MAD1L1: variants seen among roughly 807,000 people sequenced by gnomAD.
MAD1L1 encodes the protein mitotic arrest deficient 1 like 1, also known as mitotic spindle assembly checkpoint protein MAD1.
In MAD1L1, 95 loss-of-function variants were observed where a neutral mutation model predicts 96.9. The ratio of observed to expected loss-of-function variants is 0.98; its 90% CI spans 0.83 to 1.16. MAD1L1 has a LOEUF of 1.16. Among genes scored for constraint, MAD1L1 ranks in the 50% most tolerant of loss-of-function variants. The probability of loss-of-function intolerance (pLI) is 0.00; values close to 1 mark genes in which losing one functional copy is unlikely to be tolerated. For missense variants in MAD1L1, 1,007 were observed against 954.4 expected (o/e 1.06, Z -0.73); for synonymous variants, 473 against 396.6 (o/e 1.19, Z -2.29).
chr7:1,994,294 G>A (rs1396830256), intron 14 of MAD1L1, among the ~76,000 whole-genome samples: 1 of 152,246 alleles, frequency 6.6e-6, no homozygotes, highest in Non-Finnish European at 1.5e-5. Flanking sequence ...GGCAGGGAGG[G>A]AAGAGCGTGT....
At chr7:1,856,740 A>G (rs1784276462) in intron 18 of MAD1L1, among the ~76,000 whole-genome samples, 1 of 152,150 alleles carries the variant, frequency 6.6e-6, no homozygotes, top group Admixed American at 6.5e-5. Flanking sequence ...TGCCAGCGGC[A>G]GGGCCCACGC....
intron 11 of MAD1L1, among the ~76,000 whole-genome samples, chr7:2,135,738 T>A (rs1464315426): frequency 6.6e-6 from 1 of 152,184 alleles, no homozygotes; most frequent in Non-Finnish European, 1.5e-5. Context: ...GAGTCCTGCC[T>A]GCCACCTCTC....
chr7:1,898,087 C>T (rs1173048576), intron 18 of MAD1L1, 113 bp downstream of exon 18: 3 of 1,158,972 alleles, frequency 2.6e-6, no homozygotes, highest in Non-Finnish European at 3.7e-6. Flanking sequence ...CAGCCCTCCA[C>T]ACCATCCCCT....
intron 12 of MAD1L1, among the ~76,000 whole-genome samples, chr7:2,028,333 G>A (rs1401678023): frequency 6.7e-6 from 1 of 149,942 alleles, no homozygotes; most frequent in Non-Finnish European, 1.5e-5. Flanking sequence ...GCTGAGGCAA[G>A]AGAATGGCGC....
intron 18 of MAD1L1, among the ~76,000 whole-genome samples, chr7:1,832,824 G>T (rs199498375): frequency 2.8e-3 from 397 of 139,464 alleles, no homozygotes; most frequent in South Asian, 3.7e-3. Flanking sequence ...TAGAGACAGG[G>T]TTTCACCATG....
intron 11 of MAD1L1, among the ~76,000 whole-genome samples, chr7:2,072,252 C>T (rs1334616410): frequency 6.6e-6 from 1 of 152,186 alleles, no homozygotes; most frequent in African/African-American, 2.4e-5. Flanking sequence ...GAACCAACTG[C>T]TTGCTTGGTG....
chr7:2,114,365 G>A lies in MAD1L1; in HGVS notation c.1073+34787C>T, dbSNP rs953498650. Reference sequence around the variant, plus strand: ...GGGGGCCTTCCCTACACAGAGCACAGCTCCCACCCTGCAGCACCGCCCAGC... The same window carrying A: ...GGGGGCCTTCCCTACACAGAGCACAACTCCCACCCTGCAGCACCGCCCAGC... On this transcript the variant is annotated intron_variant, in intron 11 of 18. Coordinates refer to ENST00000265854, the MANE Select transcript of MAD1L1 (RefSeq NM_001013836.2). The surrounding 1 kb of genome is among the most constrained non-coding windows in gnomAD (Gnocchi z 4.2). Among the ~76,000 whole-genome samples the A allele has an allele frequency of 6.6e-6, 1 of 152,240 alleles. No individual in the cohort carries two copies. The highest frequency in any genetic ancestry group is 1.5e-5 in the Non-Finnish European group (1 of 68,046).
At chr7:2,205,091 T>C (rs903212143) in intron 10 of MAD1L1, among the ~76,000 whole-genome samples, 3 of 134,264 alleles carry the variant, frequency 2.2e-5, no homozygotes, top group Non-Finnish European at 4.5e-5. Flanking sequence ...TTTCTTTTTT[T>C]TTTTTTTTTT....
At chr7:1,851,969 C>G (rs913389658) in intron 18 of MAD1L1, among the ~76,000 whole-genome samples, 1 of 152,092 alleles carries the variant, frequency 6.6e-6, no homozygotes, top group Non-Finnish European at 1.5e-5. Flanking sequence ...GGGCCCGGCA[C>G]GGGTGGGCGG....
At chr7:2,097,792 G>T (rs1336819884) in intron 11 of MAD1L1, among the ~76,000 whole-genome samples, 1 of 152,230 alleles carries the variant, frequency 6.6e-6, no homozygotes, top group Non-Finnish European at 1.5e-5. Flanking sequence ...AGGCCTTGAG[G>T]CTGCAGAGGC....
At chr7:2,165,011 A>G (rs190190410) in intron 10 of MAD1L1, among the ~76,000 whole-genome samples, 5 of 152,264 alleles carry the variant, frequency 3.3e-5, no homozygotes, top group Admixed American at 1.3e-4. Context: ...GAAAGGTGAC[A>G]CCTGAGCACA....
At chr7:1,895,973 G>A (rs1251088849) in intron 18 of MAD1L1, among the ~76,000 whole-genome samples, 2 of 152,250 alleles carry the variant, frequency 1.3e-5, no homozygotes, top group South Asian at 2.1e-4. Flanking sequence ...AGGAAGGCGG[G>A]CAGGATGCCT....
intron 16 of MAD1L1, among the ~76,000 whole-genome samples, chr7:1,950,904 C>T (rs1176022044): frequency 1.3e-5 from 2 of 152,380 alleles, no homozygotes; most frequent in African/African-American, 4.8e-5. Context: ...GAGGCATCTA[C>T]CTGAGCTCCC....
At chr7:2,124,529 C>T (rs1788138565) in intron 11 of MAD1L1, among the ~76,000 whole-genome samples, 1 of 152,206 alleles carries the variant, frequency 6.6e-6, no homozygotes, top group Admixed American at 6.5e-5. Context: ...ATGTGGCCCA[C>T]CCCAGCCAAC....
At chr7:1,971,359 A>T (rs181326308) in intron 15 of MAD1L1, among the ~76,000 whole-genome samples, 13 of 152,322 alleles carry the variant, frequency 8.5e-5, no homozygotes, top group African/African-American at 2.4e-4. Context: ...CTCGCACAGA[A>T]GTCAAAACAT....
At chr7:2,074,092 C>T (rs767378067) in intron 11 of MAD1L1, among the ~76,000 whole-genome samples, 6 of 152,136 alleles carry the variant, frequency 3.9e-5, no homozygotes, top group African/African-American at 7.2e-5. Context: ...GACTGGCAGG[C>T]GAGTCTACCC....
At chr7:2,212,080 C>A (rs1457981193) in intron 10 of MAD1L1, among the ~76,000 whole-genome samples, 1 of 151,576 alleles carries the variant, frequency 6.6e-6, no homozygotes, top group Non-Finnish European at 1.5e-5. Flanking sequence ...CAGACCAGAG[C>A]TGCCAGGAGG....
Position 1,957,754 on chromosome 7 carries a change from A to T in MAD1L1, c.1506-35T>A, listed in dbSNP as rs771829029. ...CAGCAAGACGGTGACCAGGTGTCCGAGGCCAGCCATGCTGGGGAAGTCCCA... is the reference window on the plus strand; with the variant it reads ...CAGCAAGACGGTGACCAGGTGTCCGTGGCCAGCCATGCTGGGGAAGTCCCA... On this transcript the variant is annotated intron_variant, in intron 15 of 18. Coordinates refer to ENST00000265854, the MANE Select transcript of MAD1L1 (RefSeq NM_001013836.2). 4 of 1,605,532 alleles carry T rather than the reference A, an allele frequency of 2.5e-6. No homozygotes were observed. In the Admixed American group the frequency reaches 6.7e-5, roughly 27 times the overall value.
At chr7:2,229,724 T>C (rs1263619506) in intron 3 of MAD1L1, among the ~76,000 whole-genome samples, 1 of 152,232 alleles carries the variant, frequency 6.6e-6, no homozygotes, top group Admixed American at 6.5e-5. Context: ...TGAGTGCACT[T>C]GTGTGAACGC....
Sources: allele counts gnomAD v4.1 joint callset (sites outside exome capture counted in the v4.1 genomes callset), GRCh38; gene constraint gnomAD v4.1.1; non-coding constraint Gnocchi (gnomAD v3.1); transcripts MANE v1.5; gene names NCBI Gene and HGNC (gene_info 2026-07-23, HGNC 2026-07-21).